The following IGSF11 variants were observed in gnomAD, a reference collection of about 807,000 sequenced individuals.
IGSF11 encodes the protein immunoglobulin superfamily member 11.
IGSF11 carries 22 observed loss-of-function variants against 41.0 expected under a neutral mutation model. The ratio of observed to expected loss-of-function variants is 0.54; its 90% confidence interval spans 0.38 to 0.77. The LOEUF (loss-of-function observed/expected upper bound fraction) is 0.77. Among genes scored for constraint, IGSF11 ranks in the 30% least tolerant of loss-of-function variants. The pLI is 0.00. For synonymous variants in IGSF11, 219 were observed against 201.3 expected, an observed-to-expected ratio of 1.09 and a Z score of -0.74; for missense variants, 444 against 530.8, an observed-to-expected ratio of 0.84 and a Z score of 1.61.
At chr3:119,085,830 G>A (rs1215041049) in intron 1 of IGSF11, among the ~76,000 whole-genome samples, 6 of 152,160 alleles carry the variant, frequency 3.9e-5, no homozygotes, top group Non-Finnish European at 7.4e-5. Context: ...ATGGTGGATG[G>A]TGTCCAGGTT....
intron 1 of IGSF11, among the ~76,000 whole-genome samples, chr3:118,973,971 G>A (rs76769877): frequency 6.6e-6 from 1 of 152,148 alleles, no homozygotes; most frequent in East Asian, 1.9e-4. Flanking sequence ...GGGAAGGAGA[G>A]CGTCAGGATA....
Position 118,985,249 on chromosome 3 carries a change from G to C in IGSF11, c.52+49282C>G, listed in dbSNP as rs1358705314. ...CAAATCAAAAGGCACTATGGGAATT[G>C]AAAGAGAAAAGGGAGATAACAATAT... On this transcript the variant is annotated intron_variant, in intron 1 of 6. Coordinates refer to ENST00000393775, the MANE Select transcript of IGSF11 (RefSeq NM_001015887.3). Among the ~76,000 whole-genome samples the C allele has an allele frequency of 1.3e-5, 2 of 152,156 alleles. 1 individual carries two copies. The highest frequency in any genetic ancestry group is 4.1e-4 in the South Asian group (2 of 4,834).
At chr3:119,128,577 A>G (rs888368156) in intron 1 of IGSF11, among the ~76,000 whole-genome samples, 1 of 151,708 alleles carries the variant, frequency 6.6e-6, no homozygotes, top group Non-Finnish European at 1.5e-5. Context: ...AAATAAAAAG[A>G]AAAAAAAAGC....
chr3:119,118,475 G>C (rs1463389898), intron 1 of IGSF11, among the ~76,000 whole-genome samples: 1 of 152,200 alleles, frequency 6.6e-6, no homozygotes, highest in Non-Finnish European at 1.5e-5. Context: ...CAAGTCCCTA[G>C]GCTGCACACA....
chr3:119,128,431 A>G (rs1026672000), intron 1 of IGSF11, among the ~76,000 whole-genome samples: 1 of 152,196 alleles, frequency 6.6e-6, no homozygotes, highest in Non-Finnish European at 1.5e-5. Context: ...TAACTGGGCT[A>G]AATGCCCTAA....
chr3:119,085,564 A>C (rs2076657775), intron 1 of IGSF11, among the ~76,000 whole-genome samples: 1 of 152,228 alleles, frequency 6.6e-6, no homozygotes, highest in African/African-American at 2.4e-5. Flanking sequence ...TAACAGAGAT[A>C]GGATTCAGAA....
At chr3:119,061,730 T>A (rs1309705028) in intron 1 of IGSF11, among the ~76,000 whole-genome samples, 1 of 152,058 alleles carries the variant, frequency 6.6e-6, no homozygotes, top group Non-Finnish European at 1.5e-5. Context: ...TAACTTCAAA[T>A]AGATTTTATG....
chr3:119,058,918 GAAC>G (rs545453263), intron 1 of IGSF11, among the ~76,000 whole-genome samples: 51 of 150,822 alleles, frequency 3.4e-4, no homozygotes, highest in Non-Finnish European at 6.9e-4. Context: ...GGTGGGAATT[GAAC>G]AATGAGAACA....
At chr3:119,054,345 C>G (rs984487582) in intron 1 of IGSF11, among the ~76,000 whole-genome samples, 2 of 151,744 alleles carry the variant, frequency 1.3e-5, no homozygotes, top group African/African-American at 4.8e-5. Flanking sequence ...AAGAAAAAGA[C>G]AATAATCCCA....
At chr3:119,096,460 A>T (rs116789095) in intron 1 of IGSF11, among the ~76,000 whole-genome samples, 139 of 152,148 alleles carry the variant, frequency 9.1e-4, no homozygotes, top group African/African-American at 3.3e-3. Flanking sequence ...TATTAATAAT[A>T]ATACAGTCCA....
intron 4 of IGSF11, among the ~76,000 whole-genome samples, chr3:118,917,008 C>G (rs1421428388): frequency 6.6e-6 from 1 of 152,152 alleles, no homozygotes; most frequent in Admixed American, 6.6e-5. Flanking sequence ...TGGATGACTA[C>G]TGGGTACATA....
intron 1 of IGSF11, among the ~76,000 whole-genome samples, chr3:119,010,163 A>G (rs1355573155): frequency 6.6e-6 from 1 of 152,168 alleles, no homozygotes; most frequent in Non-Finnish European, 1.5e-5. Flanking sequence ...TCAGACTCCT[A>G]TTGCAGAGCT....
intron 1 of IGSF11, among the ~76,000 whole-genome samples, chr3:119,064,243 T>C (rs1332141745): frequency 1.3e-5 from 2 of 152,238 alleles, no homozygotes; most frequent in Non-Finnish European, 2.9e-5. Context: ...TTTTTATAAA[T>C]GGTATGAGGT....
chr3:119,097,507 G>A (rs1176319029), intron 1 of IGSF11, among the ~76,000 whole-genome samples: 1 of 152,114 alleles, frequency 6.6e-6, no homozygotes, highest in Non-Finnish European at 1.5e-5. Flanking sequence ...GGTTGGGGGT[G>A]AGGTTCACCC....
chr3:119,080,019 AC>A (rs2076563172), intron 1 of IGSF11, among the ~76,000 whole-genome samples: 1 of 152,182 alleles, frequency 6.6e-6, no homozygotes, highest in Non-Finnish European at 1.5e-5. Flanking sequence ...CTGCACATGT[AC>A]CACCTTGAAC....
At chr3:118,945,227 A>G (rs1490514074) in intron 1 of IGSF11, among the ~76,000 whole-genome samples, 1 of 152,232 alleles carries the variant, frequency 6.6e-6, no homozygotes, top group Non-Finnish European at 1.5e-5. Flanking sequence ...AACAGAGGAA[A>G]GAAAATAGCA....
At chr3:118,990,257 G>A (rs910507539) in intron 1 of IGSF11, among the ~76,000 whole-genome samples, 1 of 152,034 alleles carries the variant, frequency 6.6e-6, no homozygotes, top group Non-Finnish European at 1.5e-5. Context: ...ATAGAGGGAG[G>A]GATACAGACC....
rs540953247 is a variant in IGSF11 at position 118,963,424 on chromosome 3, C to T, written c.53-33149G>A. ...GATAAACATGCAATAATCAGAAGCA[C>T]TGAGGGCAGAAATAATACTTTTTAT... On this transcript the variant is annotated intron_variant, in intron 1 of 6. Coordinates refer to ENST00000393775, the MANE Select transcript of IGSF11 (RefSeq NM_001015887.3). Among the ~76,000 whole-genome samples the T allele has an allele frequency of 3.9e-5, 6 of 152,208 alleles. 1 individual carries two copies. The Middle Eastern group carries it at 0.017, about 431-fold the overall frequency.
intron 1 of IGSF11, among the ~76,000 whole-genome samples, chr3:119,075,981 G>A (rs964816050): frequency 6.6e-6 from 1 of 152,162 alleles, no homozygotes; most frequent in South Asian, 2.1e-4. Context: ...GAACAAAGCT[G>A]GAGGCATCAC....
Sources: gnomAD v4.1 joint callset for allele counts (sites outside exome capture counted in the v4.1 genomes callset) on GRCh38, gnomAD v4.1.1 for gene constraint, MANE v1.5 for transcripts, NCBI Gene and HGNC (gene_info 2026-07-23, HGNC 2026-07-21) for gene names.